Variants in SIGLEC6 observed in about 807,000 individuals in gnomAD.
SIGLEC6 encodes the protein sialic acid binding Ig like lectin 6.
In SIGLEC6, 31 loss-of-function variants were observed where a neutral mutation model predicts 41.4. That is an observed-to-expected ratio of 0.75 (90% CI 0.56 to 1.01). The LOEUF (loss-of-function observed/expected upper bound fraction) is 1.01, where lower values mean the gene tolerates loss of function less well. SIGLEC6 is among the 50% of genes least tolerant of loss of function. The pLI is 0.00. For missense variants in SIGLEC6, 555 were observed against 558.6 expected (o/e 0.99, Z 0.06); for synonymous variants, 217 against 231.0 (o/e 0.94, Z 0.55).
In SIGLEC6 at chr19:51,529,862, CG is replaced by C. The variant is rs775244213; in HGVS notation, c.873del (p.Ala292ProfsTer2). On this transcript the variant is annotated frameshift_variant, in exon 5 of 8. Transcript: ENST00000425629. LOFTEE classifies it high-confidence loss of function. ...TTGGAGATGGGGGTGGCGTTCAGGG[CG>C]GGGAAGCCCTGGAACCAGCTCAGGT... ...PAHLSWFQGFPALNATPISNT... is the reference protein window; with the variant it reads ...PAHLSWFQGFXALNATPISNT... 6.2e-7 allele frequency: 1 copy of C among 1,614,096 alleles called. No individual in the cohort carries two copies. Among genetic ancestry groups the C allele is most frequent in the East Asian group, 2.2e-5 (1 of 44,868 alleles).
At chr19:51,520,288 G>C in intron 7 of SIGLEC6, 33 bp from the exon 8 acceptor site, 1 of 1,479,900 alleles carries the variant, frequency 6.8e-7, no homozygotes, top group Non-Finnish European at 9.1e-7. Flanking sequence ...TTCAGGGCTG[G>C]ACAATAGGTT....
Position 51,520,000 on chromosome 19 carries a change from C to A in SIGLEC6, c.*82G>T. Reference sequence around the variant, plus strand: ...TGTTTATGTCACTCGGTTTGTGGTACATTGCTGTGGCAGCCCTAGTAACCA... The same window carrying A: ...TGTTTATGTCACTCGGTTTGTGGTAAATTGCTGTGGCAGCCCTAGTAACCA... On this transcript the variant is annotated 3_prime_UTR_variant, in exon 8 of 8. Coordinates refer to ENST00000425629, the MANE Select transcript of SIGLEC6 (RefSeq NM_001245.7). The A allele has an allele frequency of 8.3e-7, 1 of 1,200,782 alleles. No individual in the cohort carries two copies. The highest frequency in any genetic ancestry group is 1.1e-6 in the Non-Finnish European group (1 of 871,586). The allele number at this position is 1,200,782 out of a possible 1,614,324, so 74.4% of individuals were successfully genotyped here. A position where few individuals can be genotyped will look rare whatever the true frequency, so the allele number is the denominator to read the frequency against.
chr19:51,528,779 G>A (rs979957719), intron 5 of SIGLEC6, among the ~76,000 whole-genome samples: 4 of 152,052 alleles, frequency 2.6e-5, no homozygotes, highest in Middle Eastern at 3.4e-3. Context: ...TCAGGAGATC[G>A]AGACCATCCT....
In SIGLEC6 at chr19:51,529,788, A is replaced by T; in HGVS notation, c.948T>A (p.Asp316Glu). 6.2e-7 allele frequency: 1 copy of T among 1,614,036 alleles called. No homozygotes were observed. Among genetic ancestry groups the T allele is most frequent in the African/African-American group, 1.3e-5 (1 of 74,958 alleles). Residue 316 changes from aspartate to glutamate, a missense_variant, in exon 5 of 8, where the codon GAT becomes GAA. Asp to Glu is a conservative substitution (Grantham distance 45). Transcript: ENST00000425629. ...LPQVGSAEEGDFTCRAQHPLG... is the reference protein window; with the variant it reads ...LPQVGSAEEGEFTCRAQHPLG... ...GAGGATGCTGAGCACGGCAGGTGAA[A>T]TCTCCTTCTTCTGCAGACCCTACTT...
At chr19:51,531,025 G>A (rs1444967691) in intron 2 of SIGLEC6, 66 bp from the exon 3 acceptor site, 1 of 1,584,612 alleles carries the variant, frequency 6.3e-7, no homozygotes, top group East Asian at 2.2e-5. Flanking sequence ...GGGAAGCCCA[G>A]TCTCTGGTCC....
chr19:51,528,339 AC>A, intron 5 of SIGLEC6, 86 bp from the exon 6 acceptor site: 1 of 1,113,864 alleles, frequency 9.0e-7, no homozygotes, highest in Non-Finnish European at 1.4e-6. Context: ...CACTAATGTG[AC>A]CACCCCCATC....
At chr19:51,530,130 C>T in intron 4 of SIGLEC6, 149 bp from the exon 5 acceptor site, 1 of 1,031,158 alleles carries the variant, frequency 9.7e-7, no homozygotes, top group Non-Finnish European at 1.4e-6. Flanking sequence ...GACCATTTCC[C>T]TGGAGCTGCC....
chr19:51,531,670 T>A lies in SIGLEC6; in HGVS notation c.-22A>T. 6.4e-7 allele frequency: 1 copy of A among 1,572,876 alleles called. No individual in the cohort carries two copies. Among genetic ancestry groups the A allele is most frequent in the Non-Finnish European group, 8.6e-7 (1 of 1,160,628 alleles). The stretch of plus-strand genomic sequence containing the variant: ...GCATGAGCAGAGAAGGGGAAGGGAG[T>A]GGAGGGGAAGGACTGCGGGGAGGAA... On this transcript the variant is annotated 5_prime_UTR_variant, in exon 1 of 8. Transcript: ENST00000425629.
chr19:51,527,522 G>C (rs1568550641), intron 7 of SIGLEC6, among the ~76,000 whole-genome samples: 1 of 152,002 alleles, frequency 6.6e-6, no homozygotes, highest in Non-Finnish European at 1.5e-5. Flanking sequence ...CAAATTAACT[G>C]GAGTACGTAT....
chr19:51,521,709 C>T (rs1978324885), intron 7 of SIGLEC6, among the ~76,000 whole-genome samples: 2 of 152,092 alleles, frequency 1.3e-5, no homozygotes, highest in African/African-American at 4.8e-5. Context: ...CCAATTTTTC[C>T]TGAGGGTCTG....
chr19:51,527,911 G>C, intron 6 of SIGLEC6, 83 bp from the exon 7 acceptor site: 1 of 1,333,334 alleles, frequency 7.5e-7, no homozygotes. Context: ...ACTCCCTATG[G>C]AGAGTACAGA....
chr19:51,531,562 C>T lies in SIGLEC6; in HGVS notation c.67+20G>A. 1 of 1,613,966 alleles carries T rather than the reference C, an allele frequency of 6.2e-7. No individual in the cohort carries two copies. The highest frequency in any genetic ancestry group is 8.5e-7 in the Non-Finnish European group (1 of 1,179,918). On this transcript the variant is annotated intron_variant, in intron 1 of 7. Transcript: ENST00000425629. ...TCAGCTCGGCCCAGCCCCACGGCAC[C>T]TCTCCCCTGGCCCACTCACCTGCCC...
At chr19:51,525,626 T>G (rs920425914) in intron 7 of SIGLEC6, among the ~76,000 whole-genome samples, 2 of 152,196 alleles carry the variant, frequency 1.3e-5, no homozygotes, top group African/African-American at 4.8e-5. Context: ...CCTTGATGTC[T>G]TCAGGCTGGG....
Position 51,529,932 on chromosome 19 carries a change from C to T in SIGLEC6, c.804G>A (p.Gln268=). 1.9e-6 allele frequency: 3 copies of T among 1,612,490 alleles called. No homozygotes were observed. Among genetic ancestry groups the T allele is most frequent in the Non-Finnish European group, 1.7e-6 (2 of 1,178,906 alleles). Residue 268 remains glutamine, a synonymous_variant, in exon 5 of 8, where the codon CAG becomes CAA. Coordinates refer to ENST00000425629, the MANE Select transcript of SIGLEC6 (RefSeq NM_001245.7). The part of the protein sequence containing the change: ...NTSSLPVLEG[Q]ALRLLCDADG... The stretch of plus-strand genomic sequence containing the variant: ...CAGCATCACAGAGCAGCCGCAGAGC[C>T]TGGCCCTCCAGGACAGGGAGGGACG...
rs1221482830 is a variant in SIGLEC6 at position 51,531,659 on chromosome 19, G to C, written c.-11C>G. 2.5e-6 allele frequency: 4 copies of C among 1,588,412 alleles called. No homozygotes were observed. Among genetic ancestry groups the C allele is most frequent in the Non-Finnish European group, 3.4e-6 (4 of 1,168,006 alleles). ...CTGGGCTCCCTGCATGAGCAGAGAA[G>C]GGGAAGGGAGTGGAGGGGAAGGACT... On this transcript the variant is annotated 5_prime_UTR_variant, in exon 1 of 8. Transcript: ENST00000425629.
At chr19:51,520,719 C>A (rs1382446022) in intron 7 of SIGLEC6, among the ~76,000 whole-genome samples, 1 of 152,036 alleles carries the variant, frequency 6.6e-6, no homozygotes, top group African/African-American at 2.4e-5. Context: ...ATTGGCAAGC[C>A]CTTAGTGAGT....
At chr19:51,529,118 A>G (rs1479780340) in intron 5 of SIGLEC6, among the ~76,000 whole-genome samples, 1 of 152,142 alleles carries the variant, frequency 6.6e-6, no homozygotes. Context: ...AGGAACGCCA[A>G]AGACTCCCAG....
chr19:51,528,306 A>G (rs1393279912), intron 5 of SIGLEC6, 53 bp from the exon 6 acceptor site: 1 of 1,475,272 alleles, frequency 6.8e-7, no homozygotes, highest in African/African-American at 1.4e-5. Context: ...ACATCCTCCC[A>G]ACAGCCATTC....
chr19:51,527,209 T>C (rs1979379547), intron 7 of SIGLEC6, among the ~76,000 whole-genome samples: 1 of 152,104 alleles, frequency 6.6e-6, no homozygotes, highest in Non-Finnish European at 1.5e-5. Flanking sequence ...GGTAAGATAA[T>C]ATATAAGACA....
Sources: allele counts gnomAD v4.1 joint callset (sites outside exome capture counted in the v4.1 genomes callset), GRCh38; gene constraint gnomAD v4.1.1; transcripts MANE v1.5; gene names NCBI Gene and HGNC (gene_info 2026-07-23, HGNC 2026-07-21).